The following SNTG1 variants were observed in gnomAD, a reference collection of about 807,000 sequenced individuals.
The protein encoded by SNTG1 is gamma-1-syntrophin.
Under a neutral mutation model 74.7 loss-of-function variants are expected in SNTG1, and 39 were observed. The ratio of observed to expected loss-of-function variants is 0.52; its 90% CI spans 0.40 to 0.68. SNTG1 has a LOEUF of 0.68. SNTG1 is among the 30% of genes least tolerant of loss of function. The pLI is 0.00. For synonymous variants in SNTG1, 254 were observed against 217.1 expected (o/e 1.17, Z -1.49); for missense variants, 685 against 609.5 (o/e 1.12, Z -1.30).
chr8:50,400,841 A>G lies in SNTG1; in HGVS notation c.28-1369A>G, dbSNP rs570896868. On this transcript the variant is annotated intron_variant, in intron 3 of 18. Coordinates refer to ENST00000642720, the MANE Select transcript of SNTG1 (RefSeq NM_018967.5). Reference sequence around the variant, plus strand: ...CGGGAGATGTTGGAGAACAGGTACAATGTTACAGTCAGATGGGAGGAATAA... The same window carrying G: ...CGGGAGATGTTGGAGAACAGGTACAGTGTTACAGTCAGATGGGAGGAATAA... Among the ~76,000 whole-genome samples the G allele has an allele frequency of 5.3e-5, 8 of 152,220 alleles. No homozygotes were observed. In the East Asian group the frequency reaches 1.5e-3, roughly 29 times the overall value.
chr8:50,048,151 C>T (rs1819261869), intron 1 of SNTG1, among the ~76,000 whole-genome samples: 1 of 151,928 alleles, frequency 6.6e-6, no homozygotes, highest in Non-Finnish European at 1.5e-5. Context: ...TAAATAACTT[C>T]CTTTAAACAA....
At chr8:50,052,272 C>A (rs565035021) in intron 1 of SNTG1, among the ~76,000 whole-genome samples, 7 of 152,052 alleles carry the variant, frequency 4.6e-5, no homozygotes, top group Non-Finnish European at 1.0e-4. Flanking sequence ...TACAGTTTTA[C>A]ACTAAAATTC....
At chr8:50,024,875 G>A (rs886467366) in intron 1 of SNTG1, among the ~76,000 whole-genome samples, 2 of 152,084 alleles carry the variant, frequency 1.3e-5, no homozygotes, top group African/African-American at 4.8e-5. Flanking sequence ...ACAAATGAAT[G>A]ATTCATGTCC....
intron 17 of SNTG1, among the ~76,000 whole-genome samples, chr8:50,723,881 G>A (rs2095493612): frequency 6.6e-6 from 1 of 152,158 alleles, no homozygotes; most frequent in South Asian, 2.1e-4. Flanking sequence ...AGTAATATTT[G>A]TAGTGAGACC....
intron 8 of SNTG1, among the ~76,000 whole-genome samples, chr8:50,467,930 C>T (rs888749218): frequency 6.6e-6 from 1 of 151,726 alleles, no homozygotes; most frequent in African/African-American, 2.4e-5. Context: ...CTCCAAATAG[C>T]TGGGGATTTT....
chr8:50,324,380 C>T (rs1174670989), intron 2 of SNTG1, among the ~76,000 whole-genome samples: 2 of 152,180 alleles, frequency 1.3e-5, no homozygotes, highest in African/African-American at 4.8e-5. Flanking sequence ...ATGACTGTCT[C>T]TTCGGCCCTC....
intron 18 of SNTG1, among the ~76,000 whole-genome samples, chr8:50,761,595 C>A (rs1195151604): frequency 7.8e-6 from 1 of 127,814 alleles, no homozygotes; most frequent in Non-Finnish European, 1.6e-5. Flanking sequence ...GAACATAGTG[C>A]CTGAGCTATT....
At chr8:50,557,988 G>A (rs940698556) in intron 12 of SNTG1, among the ~76,000 whole-genome samples, 1 of 152,070 alleles carries the variant, frequency 6.6e-6, no homozygotes, top group African/African-American at 2.4e-5. Flanking sequence ...ACTCCTAAGT[G>A]GGAGTTCCCC....
intron 8 of SNTG1, among the ~76,000 whole-genome samples, chr8:50,451,117 C>T (rs1210647518): frequency 6.6e-6 from 1 of 152,090 alleles, no homozygotes; most frequent in Non-Finnish European, 1.5e-5. Context: ...CCTCCCTATT[C>T]ATGGGATTTC....
intron 8 of SNTG1, among the ~76,000 whole-genome samples, chr8:50,459,147 T>C (rs1288075867): frequency 1.3e-5 from 2 of 152,176 alleles, no homozygotes; most frequent in African/African-American, 4.8e-5. Flanking sequence ...TCCTATTCTA[T>C]TGCCTTGACA....
intron 1 of SNTG1, among the ~76,000 whole-genome samples, chr8:49,972,375 T>G (rs1811771139): frequency 6.6e-6 from 1 of 152,168 alleles, no homozygotes; most frequent in Admixed American, 6.5e-5. Flanking sequence ...TCAAGATGGA[T>G]TAAAGACTTC....
At chr8:50,023,725 C>T (rs1817025884) in intron 1 of SNTG1, among the ~76,000 whole-genome samples, 1 of 152,130 alleles carries the variant, frequency 6.6e-6, no homozygotes, top group Admixed American at 6.6e-5. Flanking sequence ...CAGTATGAAG[C>T]AAATGCAGTT....
At chr8:50,188,780 T>C (rs2083468929) in intron 2 of SNTG1, among the ~76,000 whole-genome samples, 1 of 152,052 alleles carries the variant, frequency 6.6e-6, no homozygotes, top group African/African-American at 2.4e-5. Context: ...CCAAAATCTG[T>C]TTCTCAAAAG....
intron 13 of SNTG1, among the ~76,000 whole-genome samples, chr8:50,655,985 C>T (rs1394585323): frequency 6.6e-6 from 1 of 152,070 alleles, no homozygotes; most frequent in Non-Finnish European, 1.5e-5. Context: ...GCACAAGATA[C>T]TAAGCTAACT....
intron 4 of SNTG1, among the ~76,000 whole-genome samples, chr8:50,423,700 A>G (rs2093125714): frequency 2.0e-5 from 3 of 152,338 alleles, no homozygotes; most frequent in Admixed American, 6.5e-5. Context: ...TCAGTACATG[A>G]AATGACTCTC....
At chr8:50,098,119 A>C (rs1586258397) in intron 1 of SNTG1, among the ~76,000 whole-genome samples, 2 of 152,320 alleles carry the variant, frequency 1.3e-5, no homozygotes, top group Middle Eastern at 6.8e-3. Flanking sequence ...CAGGAAAAAC[A>C]GAGACATAAA....
intron 1 of SNTG1, among the ~76,000 whole-genome samples, chr8:50,143,097 A>G (rs532457591): frequency 1.3e-5 from 2 of 152,086 alleles, no homozygotes; most frequent in Admixed American, 1.3e-4. Flanking sequence ...AAATAAATAA[A>G]TAAAAATAAA....
At chr8:50,489,768 C>T (rs944373791) in intron 8 of SNTG1, among the ~76,000 whole-genome samples, 1 of 152,156 alleles carries the variant, frequency 6.6e-6, no homozygotes, top group Non-Finnish European at 1.5e-5. Flanking sequence ...TGGAGAAGCT[C>T]TTTAGTTTAA....
At chr8:50,585,481 C>T (rs1379249446) in intron 12 of SNTG1, among the ~76,000 whole-genome samples, 5 of 152,114 alleles carry the variant, frequency 3.3e-5, no homozygotes, top group Admixed American at 3.3e-4. Flanking sequence ...ACAAATTGTT[C>T]TGATAACATA....
Sources: gnomAD v4.1 joint callset for allele counts (sites outside exome capture counted in the v4.1 genomes callset) on GRCh38, gnomAD v4.1.1 for gene constraint, MANE v1.5 for transcripts, NCBI Gene and HGNC (gene_info 2026-07-23, HGNC 2026-07-21) for gene names.